Variants in TENM3 observed in about 807,000 individuals in gnomAD.
TENM3 encodes teneurin transmembrane protein 3, also known as teneurin-3.
Under a neutral mutation model 255.1 loss-of-function variants are expected in TENM3, and 63 were observed. The observed-to-expected ratio is 0.25, with a 90% CI of 0.20 to 0.30. The LOEUF is 0.30. Ranked by LOEUF, TENM3 falls within the 10% of genes least tolerant of loss-of-function variation. The pLI is 1.00. For missense variants in TENM3, 2,929 were observed against 3,461.1 expected (o/e 0.85, Z 3.86); for synonymous variants, 1,306 against 1,322.3 (o/e 0.99, Z 0.27).
the TENM3 span, among the ~76,000 whole-genome samples, chr4:181,500,108 A>C: frequency 6.6e-6 from 1 of 150,688 alleles, no homozygotes; most frequent in African/African-American, 2.4e-5. Flanking sequence ...GGCTCACTGC[A>C]ACCTACGCCT....
At chr4:182,308,608 G>A (rs1294331100) in intron 1 of TENM3, among the ~76,000 whole-genome samples, 1 of 152,176 alleles carries the variant, frequency 6.6e-6, no homozygotes, top group Non-Finnish European at 1.5e-5. Context: ...CTAATGTGCT[G>A]TGATTACAGG....
the TENM3 span, among the ~76,000 whole-genome samples, chr4:181,667,451 T>C: frequency 1.3e-5 from 2 of 152,200 alleles, no homozygotes. Context: ...TGTTGGAGAC[T>C]TAATCCCCAA....
At chr4:181,936,995 C>T in the TENM3 span, among the ~76,000 whole-genome samples, 1 of 152,306 alleles carries the variant, frequency 6.6e-6, no homozygotes, top group African/African-American at 2.4e-5. Context: ...AAAGAGGTAA[C>T]AAGTGGGGAG....
chr4:182,671,216 C>A (rs985619405), intron 6 of TENM3, among the ~76,000 whole-genome samples: 5 of 152,144 alleles, frequency 3.3e-5, no homozygotes, highest in African/African-American at 7.2e-5. Context: ...GTTACTCTCC[C>A]CATTTTCTAA....
At chr4:182,342,973 T>G (rs185529818) in intron 2 of TENM3, among the ~76,000 whole-genome samples, 1 of 152,318 alleles carries the variant, frequency 6.6e-6, no homozygotes, top group Admixed American at 6.5e-5. Flanking sequence ...CCCAATCTCC[T>G]TCTTTTATTA....
At chr4:182,099,055 G>C in the TENM3 span, among the ~76,000 whole-genome samples, 162 of 143,314 alleles carry the variant, frequency 1.1e-3, 2 homozygotes, top group South Asian at 2.9e-3. Flanking sequence ...TCTGCTTCCC[G>C]GGTTCAAGCA....
At chr4:181,633,057 G>A in the TENM3 span, among the ~76,000 whole-genome samples, 3 of 152,156 alleles carry the variant, frequency 2.0e-5, no homozygotes, top group Non-Finnish European at 4.4e-5. Context: ...CCTTCCAGAA[G>A]TAGCCCAATT....
the TENM3 span, among the ~76,000 whole-genome samples, chr4:181,794,870 A>T: frequency 6.6e-6 from 1 of 152,142 alleles, no homozygotes; most frequent in Non-Finnish European, 1.5e-5. Flanking sequence ...GTCTCAGGTT[A>T]CTTCAGAGCA....
chr4:182,650,667 C>T lies in TENM3; in HGVS notation c.989-3104C>T, dbSNP rs114100022. On this transcript the variant is annotated intron_variant, in intron 5 of 27. Coordinates refer to ENST00000511685, the MANE Select transcript of TENM3 (RefSeq NM_001080477.4). ...GTCAGCCCCACTACCACCCTGCATT[C>T]GTATGAATATCTTAAATTATGCATA... Among the ~76,000 whole-genome samples the T allele has an allele frequency of 2.7e-3, 404 of 148,982 alleles. 11 individuals are homozygous for T. The highest frequency in any genetic ancestry group is 8.7e-3 in the African/African-American group (358 of 41,204).
At chr4:182,150,471 TCA>T (rs974392186) in intron 1 of TENM3, among the ~76,000 whole-genome samples, 1 of 152,064 alleles carries the variant, frequency 6.6e-6, no homozygotes, top group African/African-American at 2.4e-5. Context: ...AACCAGAGTA[TCA>T]GTTTTTAAAT....
At chr4:181,510,582 T>A in the TENM3 span, among the ~76,000 whole-genome samples, 1 of 151,540 alleles carries the variant, frequency 6.6e-6, no homozygotes, top group African/African-American at 2.4e-5. Context: ...AAAAAGAAAG[T>A]GTAACAAAAA....
At chr4:182,732,737 G>A (rs563096923) in intron 16 of TENM3, among the ~76,000 whole-genome samples, 2 of 152,234 alleles carry the variant, frequency 1.3e-5, no homozygotes, top group African/African-American at 4.8e-5. Flanking sequence ...AGAGGTGGGA[G>A]GATCACTTCA....
the TENM3 span, among the ~76,000 whole-genome samples, chr4:181,803,000 G>A: frequency 6.6e-6 from 1 of 152,064 alleles, no homozygotes; most frequent in East Asian, 1.9e-4. Flanking sequence ...TAGAATAGAG[G>A]CTATTTTATA....
rs969227870 is a variant in TENM3, at chr4:182,802,769, G to C, written c.*2418G>C. 7.0e-6 allele frequency: 1 copy of C among 142,008 alleles called. No individual in the cohort carries two copies. Among genetic ancestry groups the C allele is most frequent in the Non-Finnish European group, 1.5e-5 (1 of 65,684 alleles). 8.8% of individuals were successfully genotyped at this position (142,008 alleles called of 1,614,324 possible). On this transcript the variant is annotated 3_prime_UTR_variant, in exon 28 of 28. Transcript: ENST00000511685. ...GACCTTGGGGAATATGTAAACAAAAGACCTTTTTCTAAGAGTTGGGAGGGG... is the reference window on the plus strand; with the variant it reads ...GACCTTGGGGAATATGTAAACAAAACACCTTTTTCTAAGAGTTGGGAGGGG...
At chr4:182,584,695 A>G (rs1745828267) in intron 3 of TENM3, among the ~76,000 whole-genome samples, 1 of 152,088 alleles carries the variant, frequency 6.6e-6, no homozygotes, top group Non-Finnish European at 1.5e-5. Context: ...GCTGGAGTGC[A>G]GTGGTGCCAT....
intron 6 of TENM3, among the ~76,000 whole-genome samples, chr4:182,663,781 AC>A (rs1754418606): frequency 6.6e-6 from 1 of 151,220 alleles, no homozygotes. Flanking sequence ...TCTAAAAAAT[AC>A]GTTGTCTATA....
At chr4:181,932,582 C>T in the TENM3 span, among the ~76,000 whole-genome samples, 1 of 152,192 alleles carries the variant, frequency 6.6e-6, no homozygotes, top group Non-Finnish European at 1.5e-5. Context: ...TAAATTAGTT[C>T]AACCATTGTG....
the TENM3 span, among the ~76,000 whole-genome samples, chr4:181,519,547 A>G: frequency 6.6e-5 from 10 of 152,236 alleles, no homozygotes; most frequent in South Asian, 6.2e-4. Flanking sequence ...AAATGCTATG[A>G]TTACGATTAC....
At chr4:181,737,222 C>A in the TENM3 span, among the ~76,000 whole-genome samples, 12 of 152,158 alleles carry the variant, frequency 7.9e-5, no homozygotes, top group East Asian at 1.5e-3. Context: ...TCCACTTTAG[C>A]GAACTTTGAA....
Sources: allele counts gnomAD v4.1 joint callset (sites outside exome capture counted in the v4.1 genomes callset), GRCh38; gene constraint gnomAD v4.1.1; transcripts MANE v1.5; gene names NCBI Gene and HGNC (gene_info 2026-07-23, HGNC 2026-07-21).